PTPRN2: variants seen among roughly 807,000 people sequenced by gnomAD.
The protein encoded by PTPRN2 is receptor-type tyrosine-protein phosphatase N2.
In PTPRN2, 74 loss-of-function variants were observed where a neutral mutation model predicts 118.8. The observed-to-expected ratio is 0.62, with a 90% CI of 0.52 to 0.76. The LOEUF (loss-of-function observed/expected upper bound fraction) is 0.76, where lower values mean the gene tolerates loss of function less well. Among genes scored for constraint, PTPRN2 ranks in the 30% least tolerant of loss-of-function variants. PTPRN2 has a pLI of 0.00. For synonymous variants in PTPRN2, 641 were observed against 608.0 expected (o/e 1.05, Z -0.80); for missense variants, 1,481 against 1,394.4 (o/e 1.06, Z -0.99).
rs562182833 is a variant in PTPRN2, at chr7:158,246,156, T to C, written c.278-40883A>G. Among the ~76,000 whole-genome samples the C allele has an allele frequency of 5.9e-4, 90 of 152,078 alleles. 1 individual carries two copies. Among genetic ancestry groups the C allele is most frequent in the African/African-American group, 2.0e-3 (81 of 41,412 alleles). ...ATTGATTGATTGATTGATTGATAATTTGATTTATTTAAAATACACCTTTCT... is the reference window on the plus strand; with the variant it reads ...ATTGATTGATTGATTGATTGATAATCTGATTTATTTAAAATACACCTTTCT... On this transcript the variant is annotated intron_variant, in intron 3 of 22. Coordinates refer to ENST00000389418, the MANE Select transcript of PTPRN2 (RefSeq NM_002847.5).
At chr7:158,119,669 G>T (rs1488172468) in intron 9 of PTPRN2, among the ~76,000 whole-genome samples, 3 of 152,034 alleles carry the variant, frequency 2.0e-5, no homozygotes, top group Admixed American at 6.5e-5. Flanking sequence ...ACAGTAAATT[G>T]TTATAATTGT....
rs1189913127 is a variant in PTPRN2 at position 157,831,740 on chromosome 7, C to A, written c.1788+66933G>T. Among the ~76,000 whole-genome samples, 1 of 152,226 alleles carries A rather than the reference C, an allele frequency of 6.6e-6. No homozygotes were observed. The highest frequency in any genetic ancestry group is 2.4e-5 in the African/African-American group (1 of 41,456). On this transcript the variant is annotated intron_variant, in intron 12 of 22. Coordinates refer to ENST00000389418, the MANE Select transcript of PTPRN2 (RefSeq NM_002847.5). The surrounding 1 kb of genome is among the most constrained non-coding windows in gnomAD (Gnocchi z 4.8). ...GGTATAGGCTGCCGTCTCCCTCCCC[C>A]AGGCAGCTGGGGCTGTCCTCACACC...
intron 12 of PTPRN2, among the ~76,000 whole-genome samples, chr7:157,775,992 G>C (rs1052902310): frequency 3.3e-5 from 5 of 151,930 alleles, no homozygotes; most frequent in Non-Finnish European, 7.4e-5. Flanking sequence ...GGGGATAGCC[G>C]CAGCCAGCTG....
At chr7:157,932,431 AAT>A (rs1311841431) in intron 11 of PTPRN2, among the ~76,000 whole-genome samples, 9 of 152,184 alleles carry the variant, frequency 5.9e-5, no homozygotes, top group African/African-American at 1.9e-4. Context: ...ACAACTTTAG[AAT>A]GGGGTGAGTC....
intron 3 of PTPRN2, among the ~76,000 whole-genome samples, chr7:158,293,967 G>GT (rs1800292381): frequency 6.6e-6 from 1 of 152,204 alleles, no homozygotes; most frequent in Non-Finnish European, 1.5e-5. Flanking sequence ...GTGAGTGTTA[G>GT]TTTTGCTTTT....
At chr7:158,106,114 T>C (rs1815662192) in intron 10 of PTPRN2, among the ~76,000 whole-genome samples, 1 of 152,072 alleles carries the variant, frequency 6.6e-6, no homozygotes, top group Non-Finnish European at 1.5e-5. Context: ...TCCATCCTGC[T>C]CTGTCCTCAG....
rs563192245 is a variant in PTPRN2, at chr7:157,602,534, A to G, written c.2418+1468T>C. On this transcript the variant is annotated intron_variant, in intron 16 of 22. Transcript: ENST00000389418. ...AGCCGAGAGCTGAGCACTGTCTGCC[A>G]TCAGTGGCCACTGAGACCAGCAGAG... 2.0e-5 allele frequency among the ~76,000 whole-genome samples: 3 copies of G among 151,282 alleles called. No homozygotes were observed. The East Asian group carries it at 5.8e-4, about 29-fold the overall frequency.
chr7:158,139,001 A>T (rs549298527), intron 6 of PTPRN2, among the ~76,000 whole-genome samples: 2 of 150,514 alleles, frequency 1.3e-5, no homozygotes, highest in South Asian at 4.2e-4. Flanking sequence ...CACCCTGCCC[A>T]GCATGGACCA....
intron 12 of PTPRN2, among the ~76,000 whole-genome samples, chr7:157,804,651 TTGCACACACA>T (rs1180051239): frequency 6.6e-6 from 1 of 152,088 alleles, no homozygotes; most frequent in Admixed American, 6.5e-5. Flanking sequence ...ATACACACAC[TTGCACACACA>T]TGCACACAGT....
chr7:157,899,441 T>A (rs913406463), intron 11 of PTPRN2, among the ~76,000 whole-genome samples: 1 of 152,120 alleles, frequency 6.6e-6, no homozygotes, highest in South Asian at 2.1e-4. Flanking sequence ...AGGACGGGTG[T>A]CACAAGGCAA....
At chr7:158,473,801 A>T (rs529467992) in intron 2 of PTPRN2, among the ~76,000 whole-genome samples, 21 of 14,680 alleles carry the variant, frequency 1.4e-3, no homozygotes, top group Admixed American at 3.6e-3. Context: ...ATTAATTTTT[A>T]AAAAAAGGTT....
chr7:158,554,834 A>T (rs865799694), intron 1 of PTPRN2, among the ~76,000 whole-genome samples: 1 of 152,118 alleles, frequency 6.6e-6, no homozygotes, highest in Non-Finnish European at 1.5e-5. Context: ...AATGCCGCAC[A>T]TAGCCATCTC....
chr7:158,174,487 TCATCAG>T (rs1824007364), intron 5 of PTPRN2, among the ~76,000 whole-genome samples: 1 of 151,212 alleles, frequency 6.6e-6, no homozygotes, highest in South Asian at 2.1e-4. Context: ...ACCATCATCA[TCATCAG>T]CAGCAGCAGC....
intron 2 of PTPRN2, among the ~76,000 whole-genome samples, chr7:158,336,437 C>G (rs1317200996): frequency 9.7e-6 from 1 of 103,498 alleles, no homozygotes; most frequent in East Asian, 3.1e-4. Flanking sequence ...GCAGACGTCA[C>G]TCACACCCAC....
chr7:158,346,604 T>C (rs370608623), intron 2 of PTPRN2, among the ~76,000 whole-genome samples: 5 of 152,172 alleles, frequency 3.3e-5, no homozygotes, highest in African/African-American at 1.2e-4. Flanking sequence ...CTCTTCAACA[T>C]GCTGATTTTA....
chr7:158,011,494 G>A (rs529158650), intron 11 of PTPRN2, among the ~76,000 whole-genome samples: 6 of 152,154 alleles, frequency 3.9e-5, no homozygotes, highest in African/African-American at 9.7e-5. Context: ...CCCCCAAACC[G>A]TCAGACCATC....
chr7:157,840,135 G>A (rs1358345774), intron 12 of PTPRN2, among the ~76,000 whole-genome samples: 6 of 149,430 alleles, frequency 4.0e-5, no homozygotes, highest in South Asian at 4.3e-4. Flanking sequence ...CTGTGTGGCC[G>A]TCACTGTTAC....
Position 157,618,297 on chromosome 7 carries a change from C to A in PTPRN2, c.2344+3065G>T, listed in dbSNP as rs2052016. On this transcript the variant is annotated intron_variant, in intron 15 of 22. Coordinates refer to ENST00000389418, the MANE Select transcript of PTPRN2 (RefSeq NM_002847.5). The surrounding 1 kb of genome is among the most constrained non-coding windows in gnomAD (Gnocchi z 4.2). ...GCACGCGGAAAGGACGCGGTGGGAG[C>A]GGCAGGTGCAGAGGGAGGACTTGAA... 0.036 allele frequency: 5,553 copies of A among 152,392 alleles called. 190 individuals carry two copies. The highest frequency in any genetic ancestry group is 0.2 in the East Asian group (1,014 of 5,184). The allele number at this position is 152,392 out of a possible 1,614,324, so 9.4% of individuals were successfully genotyped here. A position where few individuals can be genotyped will look rare whatever the true frequency, so the allele number is the denominator to read the frequency against.
intron 11 of PTPRN2, among the ~76,000 whole-genome samples, chr7:157,992,630 C>T (rs1585157409): frequency 6.6e-6 from 1 of 152,258 alleles, no homozygotes; most frequent in East Asian, 1.9e-4. Flanking sequence ...CCAGTGCACA[C>T]AAGCCTTTAT....
Sources: allele counts gnomAD v4.1 joint callset (sites outside exome capture counted in the v4.1 genomes callset), GRCh38; gene constraint gnomAD v4.1.1; non-coding constraint Gnocchi (gnomAD v3.1); transcripts MANE v1.5; gene names NCBI Gene and HGNC (gene_info 2026-07-23, HGNC 2026-07-21).